The following PCDHA1 variants were observed in gnomAD, a reference collection of about 807,000 sequenced individuals.
PCDHA1 encodes protocadherin alpha-1.
Under a neutral mutation model 61.3 loss-of-function variants are expected in PCDHA1, and 42 were observed. The ratio of observed to expected loss-of-function variants is 0.69; its 90% CI spans 0.54 to 0.89. The LOEUF is 0.89. PCDHA1 is among the 40% of genes least tolerant of loss of function. The pLI is 0.00. For missense variants in PCDHA1, 1,256 were observed against 1,235.3 expected (o/e 1.02, Z -0.25); for synonymous variants, 610 against 553.8 (o/e 1.10, Z -1.43).
chr5:141,010,096 A>G lies in PCDHA1; in HGVS notation c.*159A>G. The G allele has an allele frequency of 6.2e-7, 1 of 1,612,840 alleles. No individual in the cohort carries two copies. Among genetic ancestry groups the G allele is most frequent in the Non-Finnish European group, 8.5e-7 (1 of 1,179,378 alleles). ...CCTGTGTCTGTCTAGAACGCATTTA[A>G]CAGGTTTTGTCGTAAAAGCTTTACT... On this transcript the variant is annotated 3_prime_UTR_variant, in exon 4 of 4. Transcript: ENST00000504120.
At chr5:140,974,108 C>A (rs977903039) in intron 1 of PCDHA1, among the ~76,000 whole-genome samples, 3 of 152,182 alleles carry the variant, frequency 2.0e-5, no homozygotes, top group African/African-American at 7.2e-5. Flanking sequence ...TAAAAGTATT[C>A]TTTTGCAGTG....
At chr5:140,850,090 A>G (rs2150466556) in intron 1 of PCDHA1, 1 of 1,596,664 alleles carries the variant, frequency 6.3e-7, no homozygotes, top group Admixed American at 1.7e-5. Context: ...GAGCTGCTAC[A>G]GTTCCAGGTG....
At chr5:140,969,221 C>A (rs1222433541) in intron 1 of PCDHA1, 1 of 1,614,040 alleles carries the variant, frequency 6.2e-7, no homozygotes, top group African/African-American at 1.3e-5. Context: ...AGGACCAGGG[C>A]CTTCGGGAGC....
intron 1 of PCDHA1, among the ~76,000 whole-genome samples, chr5:140,954,774 A>G (rs1396315075): frequency 1.3e-5 from 2 of 152,120 alleles, no homozygotes; most frequent in Admixed American, 1.3e-4. Flanking sequence ...TCTTTAATTT[A>G]ATTAGATCTC....
intron 3 of PCDHA1, among the ~76,000 whole-genome samples, chr5:141,007,395 C>CAAAAAAAAAAAAAAA (rs35800918): frequency 2.1e-5 from 2 of 94,866 alleles, no homozygotes; most frequent in Non-Finnish European, 2.1e-5. Context: ...TACTAAAATA[C>CAAAAAAAAAAAAAAA]AAAAAAAAAA....
At chr5:140,803,311 G>A in intron 1 of PCDHA1, 1 of 1,614,146 alleles carries the variant, frequency 6.2e-7, no homozygotes, top group Non-Finnish European at 8.5e-7. Flanking sequence ...GTCGCCATCT[G>A]CGCGGTGTCC....
At chr5:140,905,950 T>C (rs2072233262) in intron 1 of PCDHA1, among the ~76,000 whole-genome samples, 1 of 152,206 alleles carries the variant, frequency 6.6e-6, no homozygotes, top group Non-Finnish European at 1.5e-5. Flanking sequence ...TGGAATCCGA[T>C]GTTCAAGGGG....
intron 3 of PCDHA1, among the ~76,000 whole-genome samples, chr5:140,987,991 T>C (rs1243117535): frequency 6.6e-6 from 1 of 152,232 alleles, no homozygotes; most frequent in Non-Finnish European, 1.5e-5. Context: ...ACTCCATCTC[T>C]GATCCTTCCC....
chr5:140,804,305 C>A (rs1340067813), intron 1 of PCDHA1: 1 of 151,982 alleles, frequency 6.6e-6, no homozygotes, highest in Non-Finnish European at 1.5e-5. Flanking sequence ...TTTATCACTA[C>A]TTTATTTAAT....
rs577997860 is a variant in PCDHA1, at chr5:140,803,612, C to A, written c.2394+14928C>A. The A allele has an allele frequency of 4.5e-5, 73 of 1,614,004 alleles. 3 individuals are homozygous for A. Among genetic ancestry groups the A allele is most frequent in the South Asian group, 4.5e-4 (41 of 91,058 alleles). On this transcript the variant is annotated intron_variant, in intron 1 of 3. Transcript: ENST00000504120. ...CCAAAGTGAGTAATTTTTATTTATT[C>A]TTTCCAAAATGTCTTTGTTTTTCAT... is the stretch of plus-strand genomic sequence containing the variant.
chr5:140,865,528 T>C (rs2048902393), intron 1 of PCDHA1: 1 of 152,220 alleles, frequency 6.6e-6, no homozygotes, highest in Non-Finnish European at 1.5e-5. Context: ...GGAATTCTCT[T>C]CATCCATAGC....
chr5:140,960,253 G>A (rs1554224599), intron 1 of PCDHA1, among the ~76,000 whole-genome samples: 1 of 152,178 alleles, frequency 6.6e-6, no homozygotes, highest in African/African-American at 2.4e-5. Context: ...GCTTCCTGGA[G>A]CTTCTGATAA....
intron 3 of PCDHA1, 167 bp from the exon 4 acceptor site, chr5:141,009,456 CAAAT>C (rs2098408902): frequency 8.4e-6 from 8 of 947,642 alleles, no homozygotes; most frequent in African/African-American, 3.5e-5. Context: ...AAAAATTAAA[CAAAT>C]AAATAAATAA....
At position 140,960,310 on chromosome 5, in the gene PCDHA1, C is replaced by A. The variant is rs143765051; in HGVS notation, c.2395-18639C>A. Among the ~76,000 whole-genome samples, 659 of 152,264 alleles carry A rather than the reference C, an allele frequency of 4.3e-3. 9 individuals are homozygous for A. Among genetic ancestry groups the A allele is most frequent in the Admixed American group, 4.1e-3 (63 of 15,288 alleles). ...CCAGTTTCTTCATCAATACCAACCTCATTAGGGTCCTGTGAGAAGTACATG... is the reference window on the plus strand; with the variant it reads ...CCAGTTTCTTCATCAATACCAACCTAATTAGGGTCCTGTGAGAAGTACATG... On this transcript the variant is annotated intron_variant, in intron 1 of 3. Transcript: ENST00000504120.
chr5:140,923,814 A>G (rs1554201602), intron 1 of PCDHA1, among the ~76,000 whole-genome samples: 1 of 152,250 alleles, frequency 6.6e-6, no homozygotes, highest in Non-Finnish European at 1.5e-5. Flanking sequence ...ATCTTCTGAA[A>G]ATAGACGTCA....
At chr5:140,842,654 G>A in intron 1 of PCDHA1, 1 of 1,595,506 alleles carries the variant, frequency 6.3e-7, no homozygotes, top group Non-Finnish European at 8.6e-7. Context: ...GTCTGTGGAG[G>A]TGGCCGACGT....
chr5:140,801,912 G>C (rs782723863), intron 1 of PCDHA1: 2 of 1,614,166 alleles, frequency 1.2e-6, no homozygotes, highest in South Asian at 2.2e-5. Flanking sequence ...AAACGACAAC[G>C]CCCCAGCGTT....
At chr5:140,841,325 G>T in intron 1 of PCDHA1, 1 of 1,608,154 alleles carries the variant, frequency 6.2e-7, no homozygotes, top group Non-Finnish European at 8.5e-7. Flanking sequence ...ATTTAACATG[G>T]ATTATCACTG....
chr5:140,872,381 A>G (rs1211312378), intron 1 of PCDHA1, among the ~76,000 whole-genome samples: 2 of 152,058 alleles, frequency 1.3e-5, no homozygotes, highest in Non-Finnish European at 2.9e-5. Context: ...AATCCCAGCT[A>G]TTTGGGAGGC....
Sources: allele counts gnomAD v4.1 joint callset (sites outside exome capture counted in the v4.1 genomes callset), GRCh38; gene constraint gnomAD v4.1.1; transcripts MANE v1.5; gene names NCBI Gene and HGNC (gene_info 2026-07-23, HGNC 2026-07-21).